TG: variants seen among roughly 807,000 people sequenced by gnomAD.
The protein encoded by TG is thyroid hormones.
A neutral mutation model predicts 324.7 loss-of-function variants in TG; 270 were observed. That is an observed-to-expected ratio of 0.83 (90% CI 0.75 to 0.92). The LOEUF (loss-of-function observed/expected upper bound fraction) is 0.92, where lower values mean the gene tolerates loss of function less well. Among genes scored for constraint, TG ranks in the 40% least tolerant of loss-of-function variants. TG has a pLI of 0.00. For synonymous variants in TG, 1,401 were observed against 1,327.0 expected (o/e 1.06, Z -1.21); for missense variants, 3,591 against 3,456.4 (o/e 1.04, Z -0.98).
intron 41 of TG, among the ~76,000 whole-genome samples, chr8:133,074,117 T>G (rs1048664602): frequency 6.6e-6 from 1 of 152,154 alleles, no homozygotes; most frequent in Non-Finnish European, 1.5e-5. Flanking sequence ...TCTTAGAAAA[T>G]TCCCGTTGTC....
chr8:133,088,538 A>T (rs1343761004), intron 41 of TG, among the ~76,000 whole-genome samples: 4 of 152,196 alleles, frequency 2.6e-5, no homozygotes. Context: ...TTACACTTAG[A>T]GGGTTGTTTT....
chr8:133,077,459 C>G (rs921696523), intron 41 of TG, among the ~76,000 whole-genome samples: 4 of 152,124 alleles, frequency 2.6e-5, no homozygotes, highest in African/African-American at 4.8e-5. Flanking sequence ...GTTTATGACC[C>G]TCCCTTTCGC....
chr8:132,887,601 C>G, intron 9 of TG, 53 bp downstream of exon 9: 1 of 1,611,574 alleles, frequency 6.2e-7, no homozygotes, highest in Non-Finnish European at 8.5e-7. Context: ...TCTTTAGGCC[C>G]TGACCCAATG....
At chr8:133,061,654 C>G (rs2131339765) in intron 41 of TG, among the ~76,000 whole-genome samples, 1 of 152,312 alleles carries the variant, frequency 6.6e-6, no homozygotes, top group Middle Eastern at 3.4e-3. Flanking sequence ...CAGGGTCCCC[C>G]CATCGGCCTC....
intron 13 of TG, 145 bp from the exon 14 acceptor site, chr8:132,898,651 GTC>G (rs1817477618): frequency 1.4e-6 from 1 of 726,946 alleles, no homozygotes; most frequent in Non-Finnish European, 2.4e-6. Context: ...TCCCACATGA[GTC>G]TTTGTCCTCA....
At chr8:132,933,204 G>A (rs944662888) in intron 23 of TG, among the ~76,000 whole-genome samples, 1 of 83,318 alleles carries the variant, frequency 1.2e-5, no homozygotes, top group Non-Finnish European at 2.5e-5. Context: ...GTATATTTGT[G>A]TGTGTGTGTA....
chr8:132,961,006 A>C lies in TG; in HGVS notation c.5402-2A>C. 1 of 1,614,016 alleles carries C rather than the reference A, an allele frequency of 6.2e-7. No homozygotes were observed. Among genetic ancestry groups the C allele is most frequent in the Non-Finnish European group, 8.5e-7 (1 of 1,179,900 alleles). On this transcript the variant is annotated splice_acceptor_variant, in intron 27 of 47. Transcript: ENST00000220616. LOFTEE classifies it high-confidence loss of function. ...CATAAAAATAAACATCTTCCTTTGC[A>C]GGTCTGACACCCTTAGAAGGAACTC...
chr8:132,922,072 A>G (rs1821186828), intron 21 of TG, among the ~76,000 whole-genome samples: 1 of 152,216 alleles, frequency 6.6e-6, no homozygotes, highest in South Asian at 2.1e-4. Flanking sequence ...GTATATATTA[A>G]ATAAAACAAG....
At chr8:132,936,885 C>T (rs1035754832) in intron 25 of TG, among the ~76,000 whole-genome samples, 10 of 152,164 alleles carry the variant, frequency 6.6e-5, no homozygotes, top group African/African-American at 1.9e-4. Flanking sequence ...CGGTGGGGCC[C>T]GCCTGCCTGT....
At chr8:133,096,484 TG>T (rs1191642232) in intron 43 of TG, 111 bp downstream of exon 43, 1 of 1,305,680 alleles carries the variant, frequency 7.7e-7, no homozygotes, top group Non-Finnish European at 1.1e-6. Context: ...GTAACTACTG[TG>T]TGCAATGCCT....
chr8:133,060,138 G>A, intron 41 of TG: 2 of 1,612,156 alleles, frequency 1.2e-6, no homozygotes, highest in Non-Finnish European at 1.7e-6. Flanking sequence ...AGGCGCAGGG[G>A]TGGATTTCAT....
At chr8:132,988,819 G>A in intron 35 of TG, 4 of 985,372 alleles carry the variant, frequency 4.1e-6, no homozygotes, top group Non-Finnish European at 4.8e-6. Flanking sequence ...CCCAAATGTG[G>A]GATCTCCTAA....
At chr8:132,986,313 A>G (rs563449229) in intron 35 of TG, among the ~76,000 whole-genome samples, 91 of 150,974 alleles carry the variant, frequency 6.0e-4, no homozygotes, top group African/African-American at 2.0e-3. Context: ...GTATATATAT[A>G]TGTGTGTGTG....
At chr8:132,938,536 C>T (rs60661406) in intron 25 of TG, among the ~76,000 whole-genome samples, 3,036 of 152,266 alleles carry the variant, frequency 0.02, 103 homozygotes, top group African/African-American at 0.066. Flanking sequence ...TCTACCACTG[C>T]GGTGCAATAA....
chr8:132,958,487 A>T (rs1171652144), intron 27 of TG, among the ~76,000 whole-genome samples: 1 of 152,166 alleles, frequency 6.6e-6, no homozygotes, highest in African/African-American at 2.4e-5. Flanking sequence ...TGGGAGGCCA[A>T]GGTAGGTGGA....
In TG at chr8:133,003,632, G is replaced by A. The variant is rs192142397; in HGVS notation, c.6263-8269G>A. Among the ~76,000 whole-genome samples the A allele has an allele frequency of 4.6e-3, 705 of 152,198 alleles. 5 individuals are homozygous for A. The highest frequency in any genetic ancestry group is 7.5e-3 in the Non-Finnish European group (513 of 67,996). On this transcript the variant is annotated intron_variant, in intron 35 of 47. Transcript: ENST00000220616. ...ATTAAGCTTTAAAAAAGGGGATATGGTGCTTTCTAGAAAGGAATAGAAGTG... is the reference window on the plus strand; with the variant it reads ...ATTAAGCTTTAAAAAAGGGGATATGATGCTTTCTAGAAAGGAATAGAAGTG...
chr8:133,084,327 G>A (rs1173540624), intron 41 of TG, among the ~76,000 whole-genome samples: 1 of 152,090 alleles, frequency 6.6e-6, no homozygotes, highest in Non-Finnish European at 1.5e-5. Flanking sequence ...AAGCAGTCAG[G>A]GTCTTTTACA....
At chr8:132,934,815 G>A (rs1289323702) in intron 24 of TG, among the ~76,000 whole-genome samples, 1 of 152,148 alleles carries the variant, frequency 6.6e-6, no homozygotes. Context: ...CATCCACATA[G>A]CAAGACTGCT....
intron 41 of TG, among the ~76,000 whole-genome samples, chr8:133,090,761 T>C (rs1274487140): frequency 6.6e-6 from 1 of 152,146 alleles, no homozygotes; most frequent in Non-Finnish European, 1.5e-5. Flanking sequence ...AACTGGAAGC[T>C]CAGAAAGACA....
Sources: gnomAD v4.1 joint callset for allele counts (sites outside exome capture counted in the v4.1 genomes callset) on GRCh38, gnomAD v4.1.1 for gene constraint, MANE v1.5 for transcripts, NCBI Gene and HGNC (gene_info 2026-07-23, HGNC 2026-07-21) for gene names.